LDLRAP1: variants seen among roughly 807,000 people sequenced by gnomAD.
LDLRAP1 encodes low density lipoprotein receptor adapter protein 1.
LDLRAP1 carries 30 observed loss-of-function variants against 37.8 expected under a neutral mutation model. The ratio of observed to expected loss-of-function variants is 0.79; its 90% CI spans 0.59 to 1.08. The LOEUF (loss-of-function observed/expected upper bound fraction) is 1.08. Among genes scored for constraint, LDLRAP1 ranks in the 50% least tolerant of loss-of-function variants. The pLI, the probability that LDLRAP1 is intolerant of heterozygous loss-of-function variation, is 0.00. For missense variants in LDLRAP1, 375 were observed against 401.6 expected (o/e 0.93, Z 0.57); for synonymous variants, 156 against 169.8 (o/e 0.92, Z 0.63).
At position 25,553,986 on chromosome 1, in the gene LDLRAP1, G is replaced by C; in HGVS notation, c.153G>C (p.Lys51Asn). Residue 51 changes from lysine to asparagine, a missense_variant, in exon 2 of 9, where the codon AAG becomes AAC. Physicochemically the swap from Lys to Asn is moderately conservative, Grantham distance 94. Transcript: ENST00000374338. ...TGGAGGGGATGCTGTTCAGCCTCAAGTACCTGGGCATGACGCTAGTGGAGC... is the reference window on the plus strand; with the variant it reads ...TGGAGGGGATGCTGTTCAGCCTCAACTACCTGGGCATGACGCTAGTGGAGC... ...TLLEGMLFSL[K>N]YLGMTLVEQP... 1 of 1,614,138 alleles carries C rather than the reference G, an allele frequency of 6.2e-7. No homozygotes were observed.
In LDLRAP1 at chr1:25,547,309, C is replaced by G. The variant is rs184386356; in HGVS notation, c.88+3523C>G. Among the ~76,000 whole-genome samples, 485 of 151,924 alleles carry G rather than the reference C, an allele frequency of 3.2e-3. 4 individuals are homozygous for G. Among genetic ancestry groups the G allele is most frequent in the African/African-American group, 0.011 (463 of 41,404 alleles). On this transcript the variant is annotated intron_variant, in intron 1 of 8. Coordinates refer to ENST00000374338, the MANE Select transcript of LDLRAP1 (RefSeq NM_015627.3). ...ACCAGCCTGGCCAACATGATGAAAC[C>G]CCATCTCTACTTAAAATATAAAAAT...
intron 7 of LDLRAP1, chr1:25,564,011 T>C (rs371405266): frequency 9.6e-5 from 60 of 622,944 alleles, no homozygotes; most frequent in East Asian, 6.1e-4. Flanking sequence ...CACAGCTGTC[T>C]CCTCACAATG....
chr1:25,561,997 G>A (rs544103665), intron 4 of LDLRAP1, among the ~76,000 whole-genome samples: 94 of 152,228 alleles, frequency 6.2e-4, no homozygotes, highest in Admixed American at 2.2e-3. Context: ...AGTTCCCCTG[G>A]GGTGAAGGGC....
At chr1:25,561,441 A>G (rs961069786) in intron 4 of LDLRAP1, among the ~76,000 whole-genome samples, 3 of 152,108 alleles carry the variant, frequency 2.0e-5, no homozygotes, top group African/African-American at 7.2e-5. Flanking sequence ...TTTTAAAAGG[A>G]GTTTTAAAGG....
the LDLRAP1 span, among the ~76,000 whole-genome samples, chr1:25,585,334 T>A: frequency 6.6e-6 from 1 of 151,614 alleles, no homozygotes; most frequent in Non-Finnish European, 1.5e-5. Flanking sequence ...ATTTTTTGTT[T>A]TTTTTTTTTG....
chr1:25,565,182 G>T lies in LDLRAP1; in HGVS notation c.757G>T (p.Asp253Tyr). ...SGSSVVWELD[D>Y]GLDEAFSRLA... is the part of the protein sequence containing the mutation. Reference sequence around the variant, plus strand: ...CTTTGTTTTCCCCAAGGAGCTGGATGATGGCCTGGATGAAGCGTTTTCGAG... The same window carrying T: ...CTTTGTTTTCCCCAAGGAGCTGGATTATGGCCTGGATGAAGCGTTTTCGAG... Residue 253 changes from aspartate (D) to tyrosine (Y), a missense_variant, in exon 8 of 9, where the codon GAT (aspartate) becomes TAT (tyrosine). Physicochemically the swap from Asp to Tyr is radical, Grantham distance 160. Coordinates refer to ENST00000374338, the MANE Select transcript of LDLRAP1 (RefSeq NM_015627.3). 1 of 1,614,204 alleles carries T rather than the reference G, an allele frequency of 6.2e-7. No homozygotes were observed. Among genetic ancestry groups the T allele is most frequent in the Non-Finnish European group, 8.5e-7 (1 of 1,180,018 alleles).
the LDLRAP1 span, among the ~76,000 whole-genome samples, chr1:25,579,861 C>T: frequency 2.6e-5 from 4 of 152,206 alleles, no homozygotes; most frequent in African/African-American, 9.7e-5. Context: ...ACTGGATTTT[C>T]CCTTCCTTCA....
In LDLRAP1 at chr1:25,557,278, A is replaced by C; in HGVS notation, c.459+11A>C. The stretch of plus-strand genomic sequence containing the variant: ...ACCAAGCGGAAGATGGTCAGCGGGG[A>C]GGGCTGGGGCGGGGACAGGGTCCAG... On this transcript the variant is annotated intron_variant, in intron 4 of 8. Transcript: ENST00000374338. 9.1e-6 allele frequency: 9 copies of C among 989,094 alleles called. No homozygotes were observed. Among genetic ancestry groups the C allele is most frequent in the Non-Finnish European group, 1.4e-5 (9 of 654,796 alleles). The allele number at this position is 989,094 out of a possible 1,614,324, so 61.3% of individuals were successfully genotyped here.
downstream of LDLRAP1, among the ~76,000 whole-genome samples, chr1:25,572,620 C>T (rs1039885855): frequency 4.6e-5 from 7 of 152,126 alleles, no homozygotes; most frequent in African/African-American, 9.7e-5. Context: ...AGGACTTGCC[C>T]GGGACTCACA....
chr1:25,562,875 A>G (rs900872478), intron 5 of LDLRAP1, 159 bp downstream of exon 5: 5 of 818,430 alleles, frequency 6.1e-6, no homozygotes, highest in Admixed American at 2.0e-5. Context: ...TCCCATCTGA[A>G]AAATGGGAAC....
At chr1:25,574,568 G>A in the LDLRAP1 span, among the ~76,000 whole-genome samples, 1 of 152,214 alleles carries the variant, frequency 6.6e-6, no homozygotes, top group East Asian at 1.9e-4. Context: ...TGTGTGTCGG[G>A]AGCCCTGTGG....
intron 4 of LDLRAP1, among the ~76,000 whole-genome samples, chr1:25,560,508 T>C (rs902015495): frequency 1.3e-5 from 2 of 152,068 alleles, no homozygotes; most frequent in Non-Finnish European, 2.9e-5. Context: ...GGCTCCAAAG[T>C]GAAGGTGTCA....
In LDLRAP1 at chr1:25,554,776, G is replaced by A; in HGVS notation, c.232-84G>A. 2.7e-6 allele frequency: 3 copies of A among 1,112,128 alleles called. No individual in the cohort carries two copies. The South Asian group carries it at 3.9e-5, about 15-fold the overall frequency. The allele number at this position is 1,112,128 out of a possible 1,614,324, so 68.9% of individuals were successfully genotyped here. On this transcript the variant is annotated intron_variant, in intron 2 of 8. Transcript: ENST00000374338. The surrounding 1 kb of genome is among the most constrained non-coding windows in gnomAD (Gnocchi z 5.4). ...GAGCTGAGATGGGCCCCGTGCCTGG[G>A]GCTTAGGAACAGTGAAGTGTAAGCC...
At chr1:25,585,959 C>A in the LDLRAP1 span, among the ~76,000 whole-genome samples, 1 of 152,346 alleles carries the variant, frequency 6.6e-6, no homozygotes, top group African/African-American at 2.4e-5. Context: ...TCAGTTTCTT[C>A]ATTTGTCAAA....
At position 25,543,629 on chromosome 1, in the gene LDLRAP1, A is replaced by T. The variant is rs1057515533; in HGVS notation, c.-70A>T. 9.2e-7 allele frequency: 1 copy of T among 1,085,970 alleles called. No individual in the cohort carries two copies. The highest frequency in any genetic ancestry group is 1.2e-6 in the Non-Finnish European group (1 of 863,510). 67.3% of individuals were successfully genotyped at this position (1,085,970 alleles called of 1,614,324 possible). On this transcript the variant is annotated 5_prime_UTR_variant, in exon 1 of 9. Coordinates refer to ENST00000374338, the MANE Select transcript of LDLRAP1 (RefSeq NM_015627.3). ...GAGGAGCGCGCAGCCCGCGCGCCGC[A>T]GGGCCGGGCGGAAAGTTTTTCCTGA...
the LDLRAP1 span, among the ~76,000 whole-genome samples, chr1:25,582,889 T>C: frequency 4.0e-5 from 6 of 151,332 alleles, no homozygotes; most frequent in Admixed American, 1.3e-4. Context: ...CTGGGCAACA[T>C]GGTGAAACCC....
intron 4 of LDLRAP1, among the ~76,000 whole-genome samples, chr1:25,560,372 C>A (rs1170993861): frequency 1.3e-5 from 2 of 152,136 alleles, no homozygotes; most frequent in African/African-American, 2.4e-5. Context: ...CTACATCACC[C>A]ACCAGTCCGT....
chr1:25,572,064 C>CT (rs1311137865), downstream of LDLRAP1, among the ~76,000 whole-genome samples: 1 of 152,202 alleles, frequency 6.6e-6, no homozygotes, highest in Non-Finnish European at 1.5e-5. Context: ...AGGTCAGGCT[C>CT]TTAGAAGAGG....
intron 1 of LDLRAP1, among the ~76,000 whole-genome samples, chr1:25,549,652 A>C (rs1207800159): frequency 6.6e-6 from 1 of 152,184 alleles, no homozygotes. Flanking sequence ...AGGGCTGTGC[A>C]CTCAGGCCTG....
Sources: gnomAD v4.1 joint callset for allele counts (sites outside exome capture counted in the v4.1 genomes callset) on GRCh38, gnomAD v4.1.1 for gene constraint, Gnocchi (gnomAD v3.1) non-coding constraint, MANE v1.5 for transcripts, NCBI Gene and HGNC (gene_info 2026-07-23, HGNC 2026-07-21) for gene names.